Variants in DTNB observed in about 807,000 individuals in gnomAD.
DTNB encodes the protein DTN-B.
Under a neutral mutation model 90.7 loss-of-function variants are expected in DTNB, and 63 were observed. The observed-to-expected ratio is 0.69, with a 90% confidence interval of 0.57 to 0.86. DTNB has a LOEUF of 0.86. DTNB is among the 40% of genes least tolerant of loss of function. The pLI is 0.00. For synonymous variants in DTNB, 277 were observed against 286.7 expected (o/e 0.97, Z 0.34); for missense variants, 744 against 807.1 (o/e 0.92, Z 0.95).
At chr2:25,498,272 A>G (rs371193245) in intron 9 of DTNB, among the ~76,000 whole-genome samples, 1 of 152,228 alleles carries the variant, frequency 6.6e-6, no homozygotes, top group African/African-American at 2.4e-5. Context: ...ATTTACTTAG[A>G]TAAATGAAGA....
intron 14 of DTNB, among the ~76,000 whole-genome samples, chr2:25,432,108 A>G (rs1438932362): frequency 6.6e-6 from 1 of 152,164 alleles, no homozygotes; most frequent in Non-Finnish European, 1.5e-5. Flanking sequence ...ATTAAAAATC[A>G]ACCTAAACAG....
At chr2:25,612,769 A>AAGAT (rs1310752620) in intron 4 of DTNB, among the ~76,000 whole-genome samples, 1 of 152,034 alleles carries the variant, frequency 6.6e-6, no homozygotes, top group Non-Finnish European at 1.5e-5. Context: ...AGAAATAATA[A>AAGAT]AGATTATTTA....
At chr2:25,421,631 T>C (rs1165890348) in intron 15 of DTNB, among the ~76,000 whole-genome samples, 3 of 152,164 alleles carry the variant, frequency 2.0e-5, no homozygotes, top group South Asian at 2.1e-4. Context: ...AGTGCGATGG[T>C]TGGGGAGGGA....
intron 11 of DTNB, among the ~76,000 whole-genome samples, chr2:25,452,028 G>A (rs894580268): frequency 6.6e-6 from 1 of 152,190 alleles, no homozygotes; most frequent in Admixed American, 6.5e-5. Flanking sequence ...GAAAAACAGA[G>A]GGCTGAGAAA....
At chr2:25,386,755 C>T (rs571153376) in intron 18 of DTNB, among the ~76,000 whole-genome samples, 1 of 152,258 alleles carries the variant, frequency 6.6e-6, no homozygotes, top group Admixed American at 6.5e-5. Flanking sequence ...ACACAAGGAG[C>T]AGAAGAGGCG....
chr2:25,576,508 G>A, intron 8 of DTNB: 1 of 163,806 alleles, frequency 6.1e-6, no homozygotes, highest in Non-Finnish European at 1.3e-5. Context: ...GATTACAGGT[G>A]TGAGCCATCG....
chr2:25,539,824 C>T (rs569116812), intron 8 of DTNB, among the ~76,000 whole-genome samples: 9 of 151,976 alleles, frequency 5.9e-5, no homozygotes, highest in East Asian at 3.9e-4. Flanking sequence ...TCCAAATTAC[C>T]GTCTAAAACG....
At chr2:25,641,744 C>T (rs2078350132) in intron 2 of DTNB, among the ~76,000 whole-genome samples, 1 of 152,210 alleles carries the variant, frequency 6.6e-6, no homozygotes, top group African/African-American at 2.4e-5. Flanking sequence ...GATTTTAGTG[C>T]ACTGCAAACA....
At chr2:25,464,801 T>A (rs2061517552) in intron 10 of DTNB, among the ~76,000 whole-genome samples, 2 of 152,168 alleles carry the variant, frequency 1.3e-5, no homozygotes, top group South Asian at 4.1e-4. Context: ...CACAGTGTAA[T>A]CATGAGAAAA....
At chr2:25,404,086 C>T (rs1273169147) in intron 16 of DTNB, among the ~76,000 whole-genome samples, 1 of 152,178 alleles carries the variant, frequency 6.6e-6, no homozygotes, top group African/African-American at 2.4e-5. Flanking sequence ...AAACACCCCC[C>T]ACACTTGGCT....
At chr2:25,671,554 C>G (rs543708547) in intron 1 of DTNB, among the ~76,000 whole-genome samples, 4 of 152,060 alleles carry the variant, frequency 2.6e-5, no homozygotes, top group Non-Finnish European at 4.4e-5. Flanking sequence ...ATTTTTCACA[C>G]GAAGAAACTA....
intron 9 of DTNB, among the ~76,000 whole-genome samples, chr2:25,497,855 A>C (rs1026158246): frequency 5.9e-5 from 9 of 152,186 alleles, no homozygotes; most frequent in African/African-American, 1.9e-4. Flanking sequence ...GGCTAATGTT[A>C]CTTAAATATT....
At chr2:25,478,161 T>C (rs542142009) in intron 10 of DTNB, among the ~76,000 whole-genome samples, 2 of 152,300 alleles carry the variant, frequency 1.3e-5, no homozygotes, top group African/African-American at 4.8e-5. Flanking sequence ...TATTTGGAGA[T>C]CTTTACTTTT....
chr2:25,465,545 T>C (rs1189504432), intron 10 of DTNB, among the ~76,000 whole-genome samples: 1 of 152,220 alleles, frequency 6.6e-6, no homozygotes, highest in Non-Finnish European at 1.5e-5. Context: ...GGCCCCTTGC[T>C]GCCTCTCCAG....
In DTNB at chr2:25,517,248, AG is replaced by A. The variant is rs202062106; in HGVS notation, c.1001+14224del. Reference sequence around the variant, plus strand: ...TTTATGTGTAATTTCTAGAAAAAGCAGGAAGTAGTTTGGTGATTGCCTTAGG... The same window carrying A: ...TTTATGTGTAATTTCTAGAAAAAGCAGAAGTAGTTTGGTGATTGCCTTAGG... On this transcript the variant is annotated intron_variant, in intron 9 of 20. Coordinates refer to ENST00000406818, the MANE Select transcript of DTNB (RefSeq NM_021907.5). Among the ~76,000 whole-genome samples the A allele has an allele frequency of 6.0e-3, 910 of 152,392 alleles. 8 individuals carry two copies. Among genetic ancestry groups the A allele is most frequent in the African/African-American group, 0.021 (867 of 41,596 alleles).
intron 12 of DTNB, among the ~76,000 whole-genome samples, chr2:25,449,768 C>CT (rs35325641): frequency 0.41 from 57,485 of 139,548 alleles, 12,699 homozygotes; most frequent in Non-Finnish European, 0.5. Flanking sequence ...TTTTCTTTTT[C>CT]TTTTTTTTTT....
At chr2:25,484,868 C>T (rs2065809262) in intron 9 of DTNB, among the ~76,000 whole-genome samples, 1 of 152,194 alleles carries the variant, frequency 6.6e-6, no homozygotes, top group Non-Finnish European at 1.5e-5. Flanking sequence ...AGTGGCTGTG[C>T]TGAGTTATAG....
intron 18 of DTNB, among the ~76,000 whole-genome samples, chr2:25,385,663 A>C (rs537338157): frequency 6.6e-6 from 1 of 152,332 alleles, no homozygotes; most frequent in South Asian, 2.1e-4. Flanking sequence ...TGATAAGCAC[A>C]GGCTACATCT....
chr2:25,500,074 T>C (rs1359559420), intron 9 of DTNB, among the ~76,000 whole-genome samples: 4 of 152,102 alleles, frequency 2.6e-5, no homozygotes, highest in African/African-American at 9.7e-5. Context: ...TTTTTATTTT[T>C]ATATTTCTGT....
Sources: gnomAD v4.1 joint callset for allele counts (sites outside exome capture counted in the v4.1 genomes callset) on GRCh38, gnomAD v4.1.1 for gene constraint, MANE v1.5 for transcripts, NCBI Gene and HGNC (gene_info 2026-07-23, HGNC 2026-07-21) for gene names.